UST: variants seen among roughly 807,000 people sequenced by gnomAD.
UST encodes the protein chondroitin sulfate 2-O-sulfotransferase.
UST carries 21 observed loss-of-function variants against 45.6 expected under a neutral mutation model. The ratio of observed to expected loss-of-function variants is 0.46; its 90% CI spans 0.33 to 0.66. The LOEUF is 0.66. Among genes scored for constraint, UST ranks in the 30% least tolerant of loss-of-function variants. The pLI is 0.02. For synonymous variants in UST, 215 were observed against 200.6 expected, an observed-to-expected ratio of 1.07 and a Z score of -0.61; for missense variants, 463 against 512.4, an observed-to-expected ratio of 0.90 and a Z score of 0.93.
chr6:149,056,688 T>C (rs1185388384), intron 7 of UST, among the ~76,000 whole-genome samples: 1 of 152,194 alleles, frequency 6.6e-6, no homozygotes, highest in Non-Finnish European at 1.5e-5. Flanking sequence ...GGCTGTTAAT[T>C]TGCATTCCCC....
intron 2 of UST, among the ~76,000 whole-genome samples, chr6:148,914,475 G>A (rs990267758): frequency 6.6e-6 from 1 of 152,126 alleles, no homozygotes; most frequent in African/African-American, 2.4e-5. Context: ...CACAGGGAAC[G>A]TGCAACCATT....
intron 2 of UST, among the ~76,000 whole-genome samples, chr6:148,920,445 C>T (rs2114894365): frequency 6.6e-6 from 1 of 152,306 alleles, no homozygotes; most frequent in Middle Eastern, 3.4e-3. Flanking sequence ...TTCTGATGCC[C>T]TGAGGATGGA....
chr6:149,000,325 T>C (rs1781523830), intron 5 of UST, among the ~76,000 whole-genome samples: 1 of 152,174 alleles, frequency 6.6e-6, no homozygotes, highest in African/African-American at 2.4e-5. Context: ...TAAGCAAATG[T>C]GTAATATTCT....
chr6:148,833,258 C>T (rs1331700762), intron 1 of UST, among the ~76,000 whole-genome samples: 1 of 152,142 alleles, frequency 6.6e-6, no homozygotes, highest in Admixed American at 6.5e-5. Context: ...GAGGCCAGGG[C>T]GGACGGATTG....
intron 5 of UST, chr6:148,990,440 G>A (rs1168717765): frequency 5.1e-6 from 5 of 984,344 alleles, no homozygotes; most frequent in African/African-American, 1.7e-5. Flanking sequence ...GTAACTAGAT[G>A]GTATTTTTCC....
intron 1 of UST, among the ~76,000 whole-genome samples, chr6:148,876,520 G>A (rs1778654018): frequency 6.6e-6 from 1 of 152,076 alleles, no homozygotes; most frequent in South Asian, 2.1e-4. Flanking sequence ...TTGAACCCAG[G>A]TCATTTGATT....
chr6:148,954,607 C>T (rs1026449611), intron 4 of UST, among the ~76,000 whole-genome samples: 2 of 152,150 alleles, frequency 1.3e-5, no homozygotes, highest in South Asian at 2.1e-4. Flanking sequence ...AGCATAGTTA[C>T]GCAGTAGGCC....
intron 1 of UST, among the ~76,000 whole-genome samples, chr6:148,848,953 G>A (rs374782687): frequency 5.9e-5 from 9 of 152,198 alleles, no homozygotes; most frequent in African/African-American, 2.2e-4. Context: ...GAGCCCTAGG[G>A]CCCACTGGTA....
chr6:148,902,381 C>A (rs182448347), intron 2 of UST, among the ~76,000 whole-genome samples: 2 of 151,700 alleles, frequency 1.3e-5, no homozygotes, highest in East Asian at 3.9e-4. Context: ...CATGTGCAAC[C>A]ATGCCTGGCT....
At chr6:148,999,566 G>A (rs575459644) in intron 5 of UST, among the ~76,000 whole-genome samples, 20 of 152,354 alleles carry the variant, frequency 1.3e-4, no homozygotes, top group Non-Finnish European at 2.4e-4. Context: ...TGATGTAACA[G>A]TGTCTCACAG....
intron 5 of UST, among the ~76,000 whole-genome samples, chr6:148,965,314 T>C (rs1780766371): frequency 1.3e-5 from 2 of 152,230 alleles, no homozygotes; most frequent in Admixed American, 1.3e-4. Flanking sequence ...TTGAGAAACA[T>C]GTACTGAGGA....
Position 149,074,357 on chromosome 6 carries a change from G to A in UST, c.*241G>A. 1 of 514,248 alleles carries A rather than the reference G, an allele frequency of 1.9e-6. No individual in the cohort carries two copies. The highest frequency in any genetic ancestry group is 3.0e-5 in the South Asian group (1 of 33,626). The allele number at this position is 514,248 out of a possible 1,614,324, so 31.9% of individuals were successfully genotyped here. ...GTACACTAGATGGCTCCATCCCAAG[G>A]CATCTTGTCATAAAACAGCTTTCCC... On this transcript the variant is annotated 3_prime_UTR_variant, in exon 8 of 8. Transcript: ENST00000367463.
At chr6:148,957,334 A>G in intron 4 of UST, among the ~76,000 whole-genome samples, 1 of 152,244 alleles carries the variant, frequency 6.6e-6, no homozygotes. Context: ...GGGACATTAA[A>G]AAATCAGCTT....
At chr6:148,771,184 T>G (rs72997068) in intron 1 of UST, among the ~76,000 whole-genome samples, 3 of 152,364 alleles carry the variant, frequency 2.0e-5, no homozygotes, top group Non-Finnish European at 2.9e-5. Flanking sequence ...TCAATAACTT[T>G]GATCATACCA....
rs532228316 is a variant in UST at position 148,978,725 on chromosome 6, G to A, written c.681+14162G>A. 3.9e-5 allele frequency among the ~76,000 whole-genome samples: 6 copies of A among 152,186 alleles called. No individual in the cohort carries two copies. The South Asian group carries it at 6.2e-4, about 16-fold the overall frequency. On this transcript the variant is annotated intron_variant, in intron 5 of 7. Transcript: ENST00000367463. ...ATTAGGACAAATACCTAATACATGC[G>A]GGGCTTAAAACCTAGATGACAGGTT...
intron 1 of UST, among the ~76,000 whole-genome samples, chr6:148,861,850 G>A (rs563365895): frequency 1.3e-5 from 2 of 152,336 alleles, no homozygotes; most frequent in South Asian, 4.1e-4. Context: ...TGATTGCACT[G>A]AGGTCTGACA....
At chr6:148,980,131 G>A (rs940351702) in intron 5 of UST, among the ~76,000 whole-genome samples, 45 of 152,070 alleles carry the variant, frequency 3.0e-4, no homozygotes, top group African/African-American at 1.0e-3. Context: ...GGTCAGTTTC[G>A]TACATCTTGC....
chr6:148,777,941 A>C (rs2054659), intron 1 of UST, among the ~76,000 whole-genome samples: 46,055 of 152,088 alleles, frequency 0.3, 7,067 homozygotes, highest in South Asian at 0.34. Flanking sequence ...CCAGGTCTGT[A>C]GCCTAGGAGC....
intron 2 of UST, among the ~76,000 whole-genome samples, chr6:148,911,471 G>A (rs17054267): frequency 2.3e-4 from 35 of 152,150 alleles, no homozygotes; most frequent in Admixed American, 1.6e-3. Context: ...GTTGACTGAC[G>A]GAACCTTTGT....
Sources: allele counts gnomAD v4.1 joint callset (sites outside exome capture counted in the v4.1 genomes callset), GRCh38; gene constraint gnomAD v4.1.1; transcripts MANE v1.5; gene names NCBI Gene and HGNC (gene_info 2026-07-23, HGNC 2026-07-21).